The following COL5A1 variants were observed in gnomAD, a reference collection of about 807,000 sequenced individuals.
COL5A1 encodes the protein collagen type V alpha 1 chain.
COL5A1 carries 16 observed loss-of-function variants against 263.7 expected under a neutral mutation model. The observed-to-expected ratio is 0.06, with a 90% confidence interval of 0.04 to 0.09. The LOEUF is 0.09. Among genes scored for constraint, COL5A1 ranks in the 10% least tolerant of loss-of-function variants. The pLI, the probability that COL5A1 is intolerant of heterozygous loss-of-function variation, is 1.00. For missense variants in COL5A1, 2,036 were observed against 2,540.5 expected (o/e 0.80, Z 4.27); for synonymous variants, 1,012 against 1,004.5 (o/e 1.01, Z -0.14).
intron 4 of COL5A1, chr9:134,709,106 G>A (rs924942414): frequency 8.0e-6 from 3 of 375,044 alleles, no homozygotes; most frequent in African/African-American, 6.3e-5. Flanking sequence ...GTCACCTGTG[G>A]ATCTAGATTC....
Position 134,756,903 on chromosome 9 carries a change from T to G in COL5A1, c.1881+85T>G, listed in dbSNP as rs546197529. On this transcript the variant is annotated intron_variant, in intron 17 of 65. Coordinates refer to ENST00000371817, the MANE Select transcript of COL5A1 (RefSeq NM_000093.5). Reference sequence around the variant, plus strand: ...GATGATGTAACCAAAATGCTGGTTATGTGATGACTACGATTATGATGACAG... The same window carrying G: ...GATGATGTAACCAAAATGCTGGTTAGGTGATGACTACGATTATGATGACAG... 2.6e-5 allele frequency: 34 copies of G among 1,288,838 alleles called. No homozygotes were observed. The African/African-American group carries it at 4.7e-4, about 18-fold the overall frequency. The allele number at this position is 1,288,838 out of a possible 1,614,324, so 79.8% of individuals were successfully genotyped here.
chr9:134,809,387 A>G (rs553090852), intron 43 of COL5A1, 97 bp downstream of exon 43: 7 of 970,154 alleles, frequency 7.2e-6, no homozygotes, highest in Admixed American at 2.0e-5. Context: ...TGGCAGGTAG[A>G]GCGGCTCAGC....
intron 26 of COL5A1, among the ~76,000 whole-genome samples, chr9:134,774,207 A>C (rs1188034443): frequency 6.6e-6 from 1 of 152,256 alleles, no homozygotes. Flanking sequence ...GGAGCAAGGC[A>C]GACCGGGCCC....
At chr9:134,725,604 A>G (rs1023077733) in intron 4 of COL5A1, among the ~76,000 whole-genome samples, 17 of 152,200 alleles carry the variant, frequency 1.1e-4, no homozygotes, top group Non-Finnish European at 2.2e-4. Flanking sequence ...TCCTGTGTAC[A>G]CATTGTGGTG....
chr9:134,790,689 C>T (rs960602146), intron 32 of COL5A1, among the ~76,000 whole-genome samples: 1 of 150,126 alleles, frequency 6.7e-6, no homozygotes, highest in Non-Finnish European at 1.5e-5. Flanking sequence ...TCTATCCAAC[C>T]CATCCACCTC....
intron 42 of COL5A1, among the ~76,000 whole-genome samples, chr9:134,806,842 G>A (rs1310115128): frequency 1.3e-5 from 2 of 152,228 alleles, no homozygotes; most frequent in Admixed American, 6.5e-5. Flanking sequence ...AGGGGCAGGG[G>A]ATGGGTGGAT....
At chr9:134,759,908 C>A (rs1165744539) in intron 18 of COL5A1, among the ~76,000 whole-genome samples, 1 of 124,928 alleles carries the variant, frequency 8.0e-6, no homozygotes, top group African/African-American at 3.3e-5. Context: ...CACCCATGCA[C>A]CCCCACACTC....
intron 29 of COL5A1, 79 bp downstream of exon 29, chr9:134,782,799 C>A: frequency 7.6e-7 from 1 of 1,319,556 alleles, no homozygotes; most frequent in Non-Finnish European, 1.1e-6. Context: ...GGGATGTTTG[C>A]CGCCACAGGG....
intron 61 of COL5A1, among the ~76,000 whole-genome samples, chr9:134,823,791 CTGTA>C (rs1297894956): frequency 5.3e-5 from 8 of 152,056 alleles, no homozygotes; most frequent in Non-Finnish European, 1.0e-4. Context: ...GTGTGCATGT[CTGTA>C]TGTGTACGTG....
chr9:134,789,290 GTTTA>G lies in COL5A1; in HGVS notation c.2700+86_2700+89del. ...AAGTTGGTTCTCCAGCCGACGGCCT[GTTTA>G]TTTCTCACTCTCTTGCTTCTGAAAC... On this transcript the variant is annotated intron_variant, in intron 32 of 65. Transcript: ENST00000371817. This position sits in a 1 kb window ranked among gnomAD's most constrained non-coding sequence, Gnocchi z 4.8. 8.6e-7 allele frequency: 1 copy of G among 1,161,598 alleles called. No individual in the cohort carries two copies. The highest frequency in any genetic ancestry group is 1.8e-5 in the Admixed American group (1 of 54,238). The allele number at this position is 1,161,598 out of a possible 1,614,324, so 72.0% of individuals were successfully genotyped here.
chr9:134,787,623 C>T (rs149074190), intron 31 of COL5A1, among the ~76,000 whole-genome samples: 147 of 152,304 alleles, frequency 9.7e-4, no homozygotes, highest in Non-Finnish European at 1.9e-3. Flanking sequence ...TCTGTGTGCA[C>T]CTTGCAAACT....
At position 134,700,162 on chromosome 9, in the gene COL5A1, G is replaced by A. The variant is rs780124761; in HGVS notation, c.491+40G>A. Reference sequence around the variant, plus strand: ...CTGGGCAACTGTCCCCCTGCTGGAGGGGGGATCAGGCCAGCTCATACCACT... The same window carrying A: ...CTGGGCAACTGTCCCCCTGCTGGAGAGGGGATCAGGCCAGCTCATACCACT... On this transcript the variant is annotated intron_variant, in intron 3 of 65. Transcript: ENST00000371817. The surrounding 1 kb of genome is among the most constrained non-coding windows in gnomAD (Gnocchi z 4.0). 2 of 1,578,916 alleles carry A rather than the reference G, an allele frequency of 1.3e-6. No individual in the cohort carries two copies. Among genetic ancestry groups the A allele is most frequent in the African/African-American group, 2.7e-5 (2 of 74,468 alleles).
chr9:134,651,940 GA>G (rs1831702822), intron 1 of COL5A1, among the ~76,000 whole-genome samples: 1 of 152,188 alleles, frequency 6.6e-6, no homozygotes, highest in South Asian at 2.1e-4. Context: ...CTGGGGAAAG[GA>G]GAGTGAGGAG....
rs575384829 is a variant in COL5A1 at position 134,677,076 on chromosome 9, G to A, written c.110-13836G>A. On this transcript the variant is annotated intron_variant, in intron 1 of 65. Coordinates refer to ENST00000371817, the MANE Select transcript of COL5A1 (RefSeq NM_000093.5). The surrounding 1 kb of genome is among the most constrained non-coding windows in gnomAD (Gnocchi z 4.4). ...AGTGCTCTGGTTGTGGTTTGCTGGG[G>A]AGACACAGAAGAGGCAGGGACACCA... 7.2e-5 allele frequency among the ~76,000 whole-genome samples: 11 copies of A among 152,326 alleles called. No individual in the cohort carries two copies. Among genetic ancestry groups the A allele is most frequent in the Admixed American group, 2.0e-4 (3 of 15,304 alleles).
rs1363070790 is a variant in COL5A1 at position 134,794,124 on chromosome 9, G to A, written c.2701-958G>A. Among the ~76,000 whole-genome samples, 3 of 152,088 alleles carry A rather than the reference G, an allele frequency of 2.0e-5. No individual in the cohort carries two copies. The highest frequency in any genetic ancestry group is 2.0e-4 in the Admixed American group (3 of 15,274). On this transcript the variant is annotated intron_variant, in intron 32 of 65. Coordinates refer to ENST00000371817, the MANE Select transcript of COL5A1 (RefSeq NM_000093.5). This position sits in a 1 kb window ranked among gnomAD's most constrained non-coding sequence, Gnocchi z 4.3. ...GGGTGAATCACGAGGTCAAGAGATC[G>A]AGACCATCCTTGCCAACATGGTGAA...
rs1369031751 is a variant in COL5A1, at chr9:134,765,269, G to A, written c.2035-412G>A. On this transcript the variant is annotated intron_variant, in intron 20 of 65. Coordinates refer to ENST00000371817, the MANE Select transcript of COL5A1 (RefSeq NM_000093.5). This position sits in a 1 kb window ranked among gnomAD's most constrained non-coding sequence, Gnocchi z 5.1. ...CATAAAAACAATCGTATGTCGCTGC[G>A]GAGGGGAATTCAGGAGCGAGCCGGT... Among the ~76,000 whole-genome samples the A allele has an allele frequency of 6.6e-6, 1 of 152,166 alleles. No individual in the cohort carries two copies. Among genetic ancestry groups the A allele is most frequent in the Non-Finnish European group, 1.5e-5 (1 of 68,024 alleles).
intron 2 of COL5A1, among the ~76,000 whole-genome samples, chr9:134,692,566 A>C (rs1211115107): frequency 6.6e-6 from 1 of 151,940 alleles, no homozygotes; most frequent in Non-Finnish European, 1.5e-5. Context: ...GACCACATGG[A>C]CTCTGGGTGT....
chr9:134,651,500 C>G (rs1005827960), intron 1 of COL5A1, among the ~76,000 whole-genome samples: 1 of 152,050 alleles, frequency 6.6e-6, no homozygotes, highest in Non-Finnish European at 1.5e-5. Context: ...GAGTGAGACC[C>G]TGTCTAAAAA....
At chr9:134,710,410 C>T (rs1833981530) in intron 4 of COL5A1, among the ~76,000 whole-genome samples, 1 of 152,250 alleles carries the variant, frequency 6.6e-6, no homozygotes, top group Non-Finnish European at 1.5e-5. Flanking sequence ...GTAGGGGAGC[C>T]AGGACCTAAG....
Sources: gnomAD v4.1 joint callset for allele counts (sites outside exome capture counted in the v4.1 genomes callset) on GRCh38, gnomAD v4.1.1 for gene constraint, Gnocchi (gnomAD v3.1) non-coding constraint, MANE v1.5 for transcripts, NCBI Gene and HGNC (gene_info 2026-07-23, HGNC 2026-07-21) for gene names.